Variants in ALG8 observed in about 807,000 individuals in gnomAD.
ALG8 encodes the protein dolichyl pyrophosphate Glc1Man9GlcNAc2 alpha-1,3-glucosyltransferase.
Under a neutral mutation model 70.2 loss-of-function variants are expected in ALG8, and 48 were observed. The ratio of observed to expected loss-of-function variants is 0.68; its 90% CI spans 0.54 to 0.87. The LOEUF (loss-of-function observed/expected upper bound fraction) is 0.87, where lower values mean the gene tolerates loss of function less well. ALG8 is among the 40% of genes least tolerant of loss of function. The probability of loss-of-function intolerance (pLI) is 0.00; values close to 1 mark genes in which losing one functional copy is unlikely to be tolerated. For missense variants in ALG8, 572 were observed against 608.7 expected (o/e 0.94, Z 0.64); for synonymous variants, 234 against 229.0 (o/e 1.02, Z -0.20).
chr11:78,138,264 G>A (rs748947579), intron 1 of ALG8, among the ~76,000 whole-genome samples: 1 of 150,660 alleles, frequency 6.6e-6, no homozygotes, highest in Non-Finnish European at 1.5e-5. Context: ...CAGGAGAATC[G>A]TTTGAACCCG....
rs745539743 is a variant in ALG8, at chr11:78,112,662, G to A, written c.886C>T (p.Leu296=). The change falls in exon 8 of 13, where the codon CTG becomes TTG. Residue 296 remains leucine, a synonymous_variant. Transcript: ENST00000299626. Reference sequence around the variant, plus strand: ...CTCGCTACCATACCGATGACAGACAGCACTTTGTCCAAAGCATTGTACAAA... The same window carrying A: ...CTCGCTACCATACCGATGACAGACAACACTTTGTCCAAAGCATTGTACAAA... ...WALYNALDKV[L]SVIGLKLKFL... 1 of 1,613,920 alleles carries A rather than the reference G, an allele frequency of 6.2e-7. No individual in the cohort carries two copies. Among genetic ancestry groups the A allele is most frequent in the Non-Finnish European group, 8.5e-7 (1 of 1,179,850 alleles).
At chr11:78,130,954 C>T (rs1358651529) in intron 1 of ALG8, among the ~76,000 whole-genome samples, 1 of 152,044 alleles carries the variant, frequency 6.6e-6, no homozygotes, top group Non-Finnish European at 1.5e-5. Flanking sequence ...ACCACTGTTT[C>T]TCTGATAATT....
chr11:78,121,357 C>T (rs2136920363), intron 3 of ALG8, 183 bp from the exon 4 acceptor site: 5 of 609,452 alleles, frequency 8.2e-6, no homozygotes, highest in South Asian at 7.7e-5. Context: ...GTTGCCCAGG[C>T]TGATCTCGAA....
chr11:78,111,219 C>T (rs1457393612), intron 8 of ALG8, among the ~76,000 whole-genome samples: 1 of 152,198 alleles, frequency 6.6e-6, no homozygotes, highest in Non-Finnish European at 1.5e-5. Context: ...TTTTAGCCCC[C>T]TGAGGTACAG....
intron 1 of ALG8, among the ~76,000 whole-genome samples, chr11:78,136,119 G>A (rs747859285): frequency 5.9e-5 from 9 of 151,978 alleles, no homozygotes; most frequent in Non-Finnish European, 7.4e-5. Context: ...GCAGTGAGCT[G>A]AGATCATACC....
chr11:78,117,964 G>C (rs7125563), intron 5 of ALG8, among the ~76,000 whole-genome samples: 6 of 150,526 alleles, frequency 4.0e-5, no homozygotes, highest in African/African-American at 1.5e-4. Flanking sequence ...CCAGCTACTC[G>C]GGAGGCTGAG....
chr11:78,121,782 A>G (rs571352229), intron 3 of ALG8, among the ~76,000 whole-genome samples: 22 of 152,316 alleles, frequency 1.4e-4, no homozygotes, highest in African/African-American at 5.3e-4. Flanking sequence ...ACTCTAAATT[A>G]TATATCATAA....
intron 5 of ALG8, 76 bp from the exon 6 acceptor site, chr11:78,114,468 A>G: frequency 6.5e-7 from 1 of 1,548,912 alleles, no homozygotes; most frequent in Non-Finnish European, 8.8e-7. Context: ...TTCTAGATTG[A>G]ATCCTGGAAC....
At chr11:78,106,419 G>C (rs544154694) in intron 10 of ALG8, among the ~76,000 whole-genome samples, 1 of 152,052 alleles carries the variant, frequency 6.6e-6, no homozygotes. Context: ...GGATAGTCTC[G>C]ATCTCCTGAC....
At chr11:78,134,365 T>A (rs1434750688) in intron 1 of ALG8, among the ~76,000 whole-genome samples, 1 of 152,156 alleles carries the variant, frequency 6.6e-6, no homozygotes, top group East Asian at 1.9e-4. Context: ...CTTGAACTCC[T>A]GACCTCAGGT....
chr11:78,129,740 T>C (rs1002550348), intron 1 of ALG8, among the ~76,000 whole-genome samples: 2 of 152,246 alleles, frequency 1.3e-5, no homozygotes, highest in Non-Finnish European at 2.9e-5. Context: ...TTTGTGCTTG[T>C]ATATTCTTGT....
intron 2 of ALG8, among the ~76,000 whole-genome samples, chr11:78,126,984 A>AT (rs35548230): frequency 2.2e-4 from 33 of 148,544 alleles, no homozygotes; most frequent in East Asian, 1.2e-3. Context: ...TTGCAAGAAA[A>AT]TTTTTTTTTT....
At position 78,105,020 on chromosome 11, in the gene ALG8, G is replaced by T. The variant is rs890557003; in HGVS notation, c.1179-567C>A. 2.6e-5 allele frequency among the ~76,000 whole-genome samples: 4 copies of T among 152,204 alleles called. 1 individual carries two copies. The highest frequency in any genetic ancestry group is 2.0e-4 in the Admixed American group (3 of 15,276). On this transcript the variant is annotated intron_variant, in intron 10 of 12. Transcript: ENST00000299626. Reference sequence around the variant, plus strand: ...GAGTAATTGCCTTCTCCAAAGACAGGAATGTTGTGGGATTGGGAGCTGCCT... The same window carrying T: ...GAGTAATTGCCTTCTCCAAAGACAGTAATGTTGTGGGATTGGGAGCTGCCT...
intron 2 of ALG8, among the ~76,000 whole-genome samples, chr11:78,126,407 C>G (rs1861079595): frequency 6.6e-6 from 1 of 151,424 alleles, no homozygotes; most frequent in Admixed American, 6.6e-5. Flanking sequence ...TGGCGGGCGC[C>G]TGTAATCCCA....
At chr11:78,103,327 A>T (rs1327138387) in intron 12 of ALG8, 3 of 152,196 alleles carry the variant, frequency 2.0e-5, no homozygotes. Context: ...CAGGTGTGGT[A>T]GTGATGCATA....
intron 4 of ALG8, among the ~76,000 whole-genome samples, chr11:78,119,566 C>T (rs1418611713): frequency 6.6e-6 from 1 of 151,624 alleles, no homozygotes; most frequent in Non-Finnish European, 1.5e-5. Context: ...GTAGCTGGGA[C>T]TACAGGCACA....
chr11:78,126,984 A>T lies in ALG8; in HGVS notation c.174+374T>A, dbSNP rs1179083173. ...TAATTAGATCTATGATTGCAAGAAA[A>T]TTTTTTTTTTTTTGAGACAGAGTCT... On this transcript the variant is annotated intron_variant, in intron 2 of 12. Transcript: ENST00000299626. 4.7e-5 allele frequency among the ~76,000 whole-genome samples: 7 copies of T among 148,632 alleles called. No homozygotes were observed. In the East Asian group the frequency reaches 5.9e-4, roughly 13 times the overall value.
intron 4 of ALG8, among the ~76,000 whole-genome samples, chr11:78,119,726 G>C (rs1860738871): frequency 6.6e-6 from 1 of 152,122 alleles, no homozygotes; most frequent in African/African-American, 2.4e-5. Context: ...ACTGCACCCG[G>C]CCTAAACACA....
intron 12 of ALG8, chr11:78,102,937 G>A (rs780845845): frequency 1.0e-4 from 15 of 145,722 alleles, no homozygotes; most frequent in South Asian, 4.3e-4. Context: ...GGCAACAAGG[G>A]TGAAACTCCG....
Sources: allele counts gnomAD v4.1 joint callset (sites outside exome capture counted in the v4.1 genomes callset), GRCh38; gene constraint gnomAD v4.1.1; transcripts MANE v1.5; gene names NCBI Gene and HGNC (gene_info 2026-07-23, HGNC 2026-07-21).